LRRC4C: variants seen among roughly 807,000 people sequenced by gnomAD.
LRRC4C encodes the protein leucine-rich repeat-containing protein 4C.
In LRRC4C, 5 loss-of-function variants were observed where a neutral mutation model predicts 33.6. That is an observed-to-expected ratio of 0.15 (90% CI 0.08 to 0.31). LRRC4C has a LOEUF of 0.31. Ranked by LOEUF, LRRC4C falls within the 10% of genes least tolerant of loss-of-function variation. The probability of loss-of-function intolerance (pLI) is 1.00; values close to 1 mark genes in which losing one functional copy is unlikely to be tolerated. For synonymous variants in LRRC4C, 329 were observed against 302.0 expected (o/e 1.09, Z -0.93); for missense variants, 560 against 796.7 (o/e 0.70, Z 3.58).
At chr11:40,650,838 A>G (rs1170958610) in intron 2 of LRRC4C, among the ~76,000 whole-genome samples, 3 of 152,204 alleles carry the variant, frequency 2.0e-5, no homozygotes, top group Non-Finnish European at 4.4e-5. Context: ...CATAAGAATC[A>G]TTATGACATG....
chr11:40,655,951 C>T (rs1943083731), intron 2 of LRRC4C, among the ~76,000 whole-genome samples: 1 of 152,068 alleles, frequency 6.6e-6, no homozygotes, highest in Non-Finnish European at 1.5e-5. Context: ...AATCGTCATA[C>T]ACTTTTAAAC....
chr11:40,402,778 A>G (rs1276631687), intron 3 of LRRC4C, among the ~76,000 whole-genome samples: 1 of 152,094 alleles, frequency 6.6e-6, no homozygotes, highest in Non-Finnish European at 1.5e-5. Context: ...TGATCTTCAC[A>G]TGTTTTTTCA....
At chr11:40,277,463 G>A (rs957792231) in intron 4 of LRRC4C, among the ~76,000 whole-genome samples, 2 of 152,018 alleles carry the variant, frequency 1.3e-5, no homozygotes, top group African/African-American at 4.8e-5. Flanking sequence ...AAGAAGAGGG[G>A]GAAAGAGGAA....
At chr11:41,248,408 C>T (rs924738807) in intron 1 of LRRC4C, among the ~76,000 whole-genome samples, 7 of 152,176 alleles carry the variant, frequency 4.6e-5, no homozygotes, top group Non-Finnish European at 7.4e-5. Flanking sequence ...ATGATCTCTT[C>T]CCAGTCCTTG....
intron 5 of LRRC4C, among the ~76,000 whole-genome samples, chr11:40,170,270 T>C (rs965224123): frequency 6.6e-6 from 1 of 152,244 alleles, no homozygotes; most frequent in South Asian, 2.1e-4. Context: ...TTTGTTCTAG[T>C]GTAGTCAGAG....
intron 1 of LRRC4C, among the ~76,000 whole-genome samples, chr11:41,366,064 T>C (rs924256343): frequency 3.3e-5 from 5 of 152,184 alleles, no homozygotes; most frequent in Admixed American, 1.3e-4. Flanking sequence ...CCTTTTTTTT[T>C]CTGCCTCTTA....
At chr11:40,778,864 G>A (rs1361912402) in intron 2 of LRRC4C, among the ~76,000 whole-genome samples, 1 of 152,144 alleles carries the variant, frequency 6.6e-6, no homozygotes, top group Non-Finnish European at 1.5e-5. Flanking sequence ...GAAAGGGGTA[G>A]GGAATGAGAT....
intron 5 of LRRC4C, among the ~76,000 whole-genome samples, chr11:40,232,655 GA>G (rs1865287996): frequency 2.6e-5 from 4 of 152,264 alleles, no homozygotes; most frequent in African/African-American, 7.2e-5. Context: ...CAATTCTTCA[GA>G]ATGTGGCCAA....
At chr11:41,019,148 A>G (rs1855786395) in intron 1 of LRRC4C, among the ~76,000 whole-genome samples, 1 of 151,904 alleles carries the variant, frequency 6.6e-6, no homozygotes, top group African/African-American at 2.4e-5. Context: ...GTACCTATTG[A>G]CCTGTCCTCT....
intron 4 of LRRC4C, among the ~76,000 whole-genome samples, chr11:40,247,214 T>A (rs781517496): frequency 6.6e-6 from 1 of 152,052 alleles, no homozygotes; most frequent in Non-Finnish European, 1.5e-5. Context: ...ACCCACTGAG[T>A]GTACCACACT....
intron 5 of LRRC4C, among the ~76,000 whole-genome samples, chr11:40,142,041 C>T (rs1006622880): frequency 6.6e-6 from 1 of 152,024 alleles, no homozygotes; most frequent in South Asian, 2.1e-4. Flanking sequence ...CCAGCACTCT[C>T]GGAGGCCGAG....
chr11:41,022,529 T>C (rs935825284), intron 1 of LRRC4C, among the ~76,000 whole-genome samples: 4 of 151,824 alleles, frequency 2.6e-5, no homozygotes, highest in Non-Finnish European at 5.9e-5. Context: ...TATATCATTA[T>C]GTAAATTAGA....
chr11:41,351,010 G>T (rs905296396), intron 1 of LRRC4C, among the ~76,000 whole-genome samples: 2 of 152,110 alleles, frequency 1.3e-5, no homozygotes, highest in Non-Finnish European at 2.9e-5. Flanking sequence ...AGGGTGGATT[G>T]CTTGAACTCA....
intron 1 of LRRC4C, among the ~76,000 whole-genome samples, chr11:41,416,094 T>C (rs1954668850): frequency 6.6e-6 from 1 of 152,018 alleles, no homozygotes; most frequent in Admixed American, 6.6e-5. Context: ...CCCTCGGTAT[T>C]ACCATTTTTC....
In LRRC4C at chr11:40,302,534, C is replaced by CT. The variant is rs910863022; in HGVS notation, c.-176+17093dup. ...GAAGAGGCCCATCCTTCTTTTCTGT[C>CT]TTTTTTTTTATTCCTTTATAATAGC... is the stretch of plus-strand genomic sequence containing the variant. On this transcript the variant is annotated intron_variant, in intron 4 of 6. Transcript: ENST00000528697. 3.0e-4 allele frequency among the ~76,000 whole-genome samples: 45 copies of CT among 151,318 alleles called. No homozygotes were observed. In the Middle Eastern group the frequency reaches 0.01, roughly 35 times the overall value.
chr11:40,137,960 T>C (rs1857098083), intron 6 of LRRC4C, among the ~76,000 whole-genome samples: 1 of 152,212 alleles, frequency 6.6e-6, no homozygotes, highest in Non-Finnish European at 1.5e-5. Flanking sequence ...AAACACGGTA[T>C]GCTTTCCATG....
At chr11:40,669,009 T>C (rs1335714757) in intron 2 of LRRC4C, among the ~76,000 whole-genome samples, 1 of 152,226 alleles carries the variant, frequency 6.6e-6, no homozygotes, top group East Asian at 1.9e-4. Context: ...ATCTCTACGG[T>C]TGTTGTGTTT....
At chr11:41,293,585 ATTTTT>A (rs1373314086) in intron 1 of LRRC4C, among the ~76,000 whole-genome samples, 1 of 151,484 alleles carries the variant, frequency 6.6e-6, no homozygotes, top group African/African-American at 2.4e-5. Flanking sequence ...TTTTTATTTT[ATTTTT>A]ATTTTTATTT....
chr11:40,429,583 A>G (rs904676437), intron 3 of LRRC4C, among the ~76,000 whole-genome samples: 6 of 152,028 alleles, frequency 3.9e-5, no homozygotes, highest in Non-Finnish European at 8.8e-5. Flanking sequence ...AAAAAACAAA[A>G]CAAAACATGT....
Sources: allele counts gnomAD v4.1 joint callset (sites outside exome capture counted in the v4.1 genomes callset), GRCh38; gene constraint gnomAD v4.1.1; transcripts MANE v1.5; gene names NCBI Gene and HGNC (gene_info 2026-07-23, HGNC 2026-07-21).